The following KALRN variants were observed in gnomAD, a reference collection of about 807,000 sequenced individuals.
The protein encoded by KALRN is kalirin.
Under a neutral mutation model 353.7 loss-of-function variants are expected in KALRN, and 70 were observed. The ratio of observed to expected loss-of-function variants is 0.20; its 90% CI spans 0.16 to 0.24. The LOEUF (loss-of-function observed/expected upper bound fraction) is 0.24, where lower values mean the gene tolerates loss of function less well. KALRN is among the 10% of genes least tolerant of loss of function. The pLI, the probability that KALRN is intolerant of heterozygous loss-of-function variation, is 1.00. For synonymous variants in KALRN, 1,391 were observed against 1,434.8 expected, an observed-to-expected ratio of 0.97 and a Z score of 0.69; for missense variants, 2,791 against 3,756.7, an observed-to-expected ratio of 0.74 and a Z score of 6.72.
intron 1 of KALRN, among the ~76,000 whole-genome samples, chr3:124,204,424 G>T (rs986880955): frequency 6.6e-6 from 1 of 152,146 alleles, no homozygotes; most frequent in African/African-American, 2.4e-5. Flanking sequence ...TTCACATGGG[G>T]ATTATTCTCC....
At chr3:124,350,358 T>C (rs956446962) in intron 10 of KALRN, among the ~76,000 whole-genome samples, 2 of 152,190 alleles carry the variant, frequency 1.3e-5, no homozygotes, top group African/African-American at 4.8e-5. Context: ...CCATTATATA[T>C]CTTGTCTTAT....
rs13087377 is a variant in KALRN, at chr3:124,633,288, T to A, written c.5467-564T>A. On this transcript the variant is annotated intron_variant, in intron 35 of 59. Coordinates refer to ENST00000682506, the MANE Select transcript of KALRN (RefSeq NM_001388419.1). The stretch of plus-strand genomic sequence containing the variant: ...GCCCATACTGGAAGGTTTGAGAGAC[T>A]GTAGCCAAAGTTAGGCTGGATGAAG... Among the ~76,000 whole-genome samples the A allele has an allele frequency of 3.9e-5, 6 of 152,180 alleles. No individual in the cohort carries two copies. The South Asian group carries it at 1.2e-3, about 32-fold the overall frequency.
chr3:124,441,832 G>GAAAA, intron 18 of KALRN, 113 bp from the exon 19 acceptor site: 1 of 498,896 alleles, frequency 2.0e-6, no homozygotes, highest in Non-Finnish European at 3.4e-6. Flanking sequence ...TCTCAAAAAA[G>GAAAA]AAAAAAAAAA....
chr3:124,352,066 G>A (rs1050788422), intron 10 of KALRN, among the ~76,000 whole-genome samples: 1 of 152,170 alleles, frequency 6.6e-6, no homozygotes, highest in Admixed American at 6.5e-5. Context: ...AGAAGTCCCG[G>A]GCACTGGCGG....
At chr3:124,683,093 G>A (rs1176585491) in intron 51 of KALRN, among the ~76,000 whole-genome samples, 1 of 152,012 alleles carries the variant, frequency 6.6e-6, no homozygotes, top group Non-Finnish European at 1.5e-5. Flanking sequence ...GGGGTGAAAG[G>A]GGGGCATCAT....
intron 10 of KALRN, among the ~76,000 whole-genome samples, chr3:124,355,762 C>T (rs2083332517): frequency 1.4e-5 from 2 of 138,574 alleles, no homozygotes; most frequent in South Asian, 4.6e-4. Context: ...GTCACCCAGG[C>T]TGGAGTGTGG....
At chr3:124,415,207 T>C (rs1394244572) in intron 14 of KALRN, among the ~76,000 whole-genome samples, 1 of 151,544 alleles carries the variant, frequency 6.6e-6, no homozygotes, top group Non-Finnish European at 1.5e-5. Flanking sequence ...GTCTGGGGAC[T>C]TTTTTTTTAA....
intron 9 of KALRN, among the ~76,000 whole-genome samples, chr3:124,339,835 G>A (rs935770268): frequency 3.9e-5 from 6 of 152,124 alleles, no homozygotes; most frequent in African/African-American, 1.4e-4. Flanking sequence ...GCATCTTCTT[G>A]TTTTACCCCG....
intron 1 of KALRN, among the ~76,000 whole-genome samples, chr3:124,088,240 C>T (rs1019729372): frequency 2.6e-5 from 4 of 152,002 alleles, no homozygotes; most frequent in African/African-American, 7.3e-5. Context: ...TCCTCAGTGC[C>T]GAGGGTCATC....
At chr3:124,548,687 C>CT (rs1268435533) in intron 33 of KALRN, among the ~76,000 whole-genome samples, 1 of 152,218 alleles carries the variant, frequency 6.6e-6, no homozygotes, top group Admixed American at 6.5e-5. Flanking sequence ...GAGTTTCACT[C>CT]TTGTTGCCCA....
intron 36 of KALRN, among the ~76,000 whole-genome samples, chr3:124,636,670 T>C (rs1358162339): frequency 6.6e-6 from 1 of 152,078 alleles, no homozygotes; most frequent in African/African-American, 2.4e-5. Flanking sequence ...GAAGGGAGTA[T>C]CTAGCTTGCT....
At chr3:124,482,949 C>T in intron 28 of KALRN, 49 bp downstream of exon 28, 2 of 1,263,058 alleles carry the variant, frequency 1.6e-6, no homozygotes, top group South Asian at 1.2e-5. Flanking sequence ...CTGCCTGGGG[C>T]AAGGGAGTCC....
At position 124,425,631 on chromosome 3, in the gene KALRN, G is replaced by T. The variant is rs137909016; in HGVS notation, c.2709+2653G>T. ...TGACCATCTGAACAAAACATAACGG[G>T]AAAATCATTCCTATTTGACTTTGAA... is the stretch of plus-strand genomic sequence containing the variant. On this transcript the variant is annotated intron_variant, in intron 15 of 59. Coordinates refer to ENST00000682506, the MANE Select transcript of KALRN (RefSeq NM_001388419.1). Among the ~76,000 whole-genome samples the T allele has an allele frequency of 2.2e-3, 335 of 152,240 alleles. 3 individuals carry two copies. The highest frequency in any genetic ancestry group is 7.7e-3 in the African/African-American group (318 of 41,546).
At chr3:124,531,613 T>A (rs776962460) in intron 33 of KALRN, among the ~76,000 whole-genome samples, 1 of 152,156 alleles carries the variant, frequency 6.6e-6, no homozygotes, top group Non-Finnish European at 1.5e-5. Flanking sequence ...GAAACTTACA[T>A]GGCAGGAACA....
In KALRN at chr3:124,490,711, G is replaced by T. The variant is rs1426047052; in HGVS notation, c.4414G>T (p.Asp1472Tyr). Residue 1472 changes from aspartate to tyrosine, a missense_variant, in exon 30 of 60, where the codon GAT becomes TAT. Asp to Tyr is a radical substitution (Grantham distance 160). Coordinates refer to ENST00000682506, the MANE Select transcript of KALRN (RefSeq NM_001388419.1). ...SMLEGFDENL[D>Y]VQGELILQDA... Reference sequence around the variant, plus strand: ...TTTTTCAGGGTTCGACGAGAACCTGGATGTGCAGGGGGAGTTGATTCTCCA... The same window carrying T: ...TTTTTCAGGGTTCGACGAGAACCTGTATGTGCAGGGGGAGTTGATTCTCCA... 6.2e-7 allele frequency: 1 copy of T among 1,613,128 alleles called. No individual in the cohort carries two copies. The highest frequency in any genetic ancestry group is 8.5e-7 in the Non-Finnish European group (1 of 1,179,752).
intron 18 of KALRN, among the ~76,000 whole-genome samples, 161 bp downstream of exon 18, chr3:124,439,198 T>TCACACACACACACACACACACACA (rs1220555173): frequency 8.8e-5 from 11 of 125,454 alleles, no homozygotes; most frequent in African/African-American, 3.3e-4. Context: ...TCTCTCTCTC[T>TCACACACACACACACACACACACA]CTCACACACA....
rs928642247 is a variant in KALRN, at chr3:124,723,256, C to T, written c.*3786C>T. The T allele has an allele frequency of 1.3e-5, 2 of 152,136 alleles. No individual in the cohort carries two copies. Among genetic ancestry groups the T allele is most frequent in the African/African-American group, 4.8e-5 (2 of 41,422 alleles). 9.4% of individuals were successfully genotyped at this position (152,136 alleles called of 1,614,324 possible). ...CTGATATTGCAGCATTTTTTCTTTA[C>T]TTTAAAATATCTTGTAAATGAAAAC... On this transcript the variant is annotated 3_prime_UTR_variant, in exon 60 of 60. Transcript: ENST00000682506.
chr3:124,634,857 C>T (rs938159037), intron 36 of KALRN, among the ~76,000 whole-genome samples: 11 of 152,216 alleles, frequency 7.2e-5, no homozygotes, highest in African/African-American at 2.7e-4. Context: ...CTACCTGTCC[C>T]TCCAGGCTCT....
intron 1 of KALRN, among the ~76,000 whole-genome samples, chr3:124,079,573 T>G (rs988940594): frequency 6.6e-6 from 1 of 152,204 alleles, no homozygotes; most frequent in African/African-American, 2.4e-5. Flanking sequence ...TTGGAATTGA[T>G]GAGACTACAT....
Sources: gnomAD v4.1 joint callset for allele counts (sites outside exome capture counted in the v4.1 genomes callset) on GRCh38, gnomAD v4.1.1 for gene constraint, MANE v1.5 for transcripts, NCBI Gene and HGNC (gene_info 2026-07-23, HGNC 2026-07-21) for gene names.